The following SUSD5 variants were observed in gnomAD, a reference collection of about 807,000 sequenced individuals.
SUSD5 encodes sushi domain containing 5, also known as sushi domain-containing protein 5.
A neutral mutation model predicts 29.5 loss-of-function variants in SUSD5; 33 were observed. The ratio of observed to expected loss-of-function variants is 1.12; its 90% CI spans 0.85 to 1.49. The LOEUF is 1.49. SUSD5 is among the 40% of genes most tolerant of loss of function. The probability of loss-of-function intolerance (pLI) is 0.00; values close to 1 mark genes in which losing one functional copy is unlikely to be tolerated. For missense variants in SUSD5, 776 were observed against 800.6 expected (o/e 0.97, Z 0.37); for synonymous variants, 308 against 325.3 (o/e 0.95, Z 0.57).
At chr3:33,187,209 T>C (rs2031795997) in intron 3 of SUSD5, among the ~76,000 whole-genome samples, 2 of 152,132 alleles carry the variant, frequency 1.3e-5, no homozygotes, top group South Asian at 4.1e-4. Flanking sequence ...TAAATCTATC[T>C]AAGGAACACA....
At chr3:33,165,777 T>TAA (rs2031289847) in intron 4 of SUSD5, among the ~76,000 whole-genome samples, 1 of 152,236 alleles carries the variant, frequency 6.6e-6, no homozygotes, top group Admixed American at 6.5e-5. Context: ...TGTACTTTGT[T>TAA]AAGATGTCAT....
intron 4 of SUSD5, among the ~76,000 whole-genome samples, chr3:33,161,379 C>T (rs1374135228): frequency 2.0e-5 from 3 of 151,800 alleles, no homozygotes; most frequent in African/African-American, 7.3e-5. Flanking sequence ...GAGTAAAAGA[C>T]TATTAGAAGG....
intron 4 of SUSD5, among the ~76,000 whole-genome samples, chr3:33,169,468 G>A (rs973963420): frequency 6.6e-6 from 1 of 152,100 alleles, no homozygotes; most frequent in African/African-American, 2.4e-5. Context: ...TGATCCACCC[G>A]CCTCGGCCTC....
chr3:33,174,856 G>A (rs762933057), intron 4 of SUSD5, 30 bp downstream of exon 4: 3 of 1,609,878 alleles, frequency 1.9e-6, no homozygotes, highest in African/African-American at 2.7e-5. Flanking sequence ...GCGTGGGCAC[G>A]CGAAGGTGGC....
chr3:33,179,278 A>C (rs2031621193), intron 3 of SUSD5, among the ~76,000 whole-genome samples: 1 of 152,126 alleles, frequency 6.6e-6, no homozygotes, highest in Non-Finnish European at 1.5e-5. Context: ...TTTTAAAAGC[A>C]TAACCAATTG....
chr3:33,206,478 C>A (rs2032222556), intron 3 of SUSD5, among the ~76,000 whole-genome samples: 1 of 151,254 alleles, frequency 6.6e-6, no homozygotes, highest in African/African-American at 2.4e-5. Flanking sequence ...AAAAATAAAC[C>A]ACAGATACTG....
chr3:33,206,618 C>G (rs746871735), intron 3 of SUSD5, among the ~76,000 whole-genome samples: 13 of 152,132 alleles, frequency 8.5e-5, no homozygotes, highest in Non-Finnish European at 1.8e-4. Flanking sequence ...GAGAGGGACC[C>G]CAGAGCAGAA....
intron 1 of SUSD5, among the ~76,000 whole-genome samples, chr3:33,216,743 C>T (rs2032434199): frequency 6.6e-6 from 1 of 152,146 alleles, no homozygotes; most frequent in Non-Finnish European, 1.5e-5. Flanking sequence ...TTAAGCTGAG[C>T]ATTTCTTCTT....
At chr3:33,170,842 G>C (rs755409844) in intron 4 of SUSD5, among the ~76,000 whole-genome samples, 15 of 152,246 alleles carry the variant, frequency 9.9e-5, no homozygotes, top group Non-Finnish European at 1.5e-4. Context: ...AACACACAAG[G>C]AAGTGAGCAG....
intron 3 of SUSD5, among the ~76,000 whole-genome samples, chr3:33,186,005 A>G (rs528708373): frequency 6.6e-6 from 1 of 152,310 alleles, no homozygotes; most frequent in African/African-American, 2.4e-5. Context: ...GTTTTCCTTT[A>G]GTCTTTAGGC....
intron 4 of SUSD5, among the ~76,000 whole-genome samples, chr3:33,162,858 G>A (rs1034135489): frequency 3.3e-5 from 5 of 150,210 alleles, no homozygotes; most frequent in South Asian, 2.1e-4. Flanking sequence ...CAGAGGCTGC[G>A]GTGACCTGAG....
intron 3 of SUSD5, among the ~76,000 whole-genome samples, chr3:33,186,348 A>G (rs2031779046): frequency 1.3e-5 from 2 of 152,006 alleles, no homozygotes; most frequent in Admixed American, 6.6e-5. Context: ...GAAAATAGAA[A>G]ATAATAAAAA....
At chr3:33,175,445 T>C (rs1291343537) in intron 3 of SUSD5, among the ~76,000 whole-genome samples, 1 of 152,006 alleles carries the variant, frequency 6.6e-6, no homozygotes, top group African/African-American at 2.4e-5. Context: ...AGGCTAAATG[T>C]TACAGACTAC....
intron 3 of SUSD5, among the ~76,000 whole-genome samples, chr3:33,202,243 C>A (rs1022377601): frequency 5.3e-5 from 8 of 152,128 alleles, no homozygotes; most frequent in African/African-American, 1.9e-4. Context: ...TGTTCTCCAT[C>A]AGCTGTACCA....
Position 33,204,878 on chromosome 3 carries a change from G to C in SUSD5, c.409+2930C>G, listed in dbSNP as rs2032187661. On this transcript the variant is annotated intron_variant, in intron 3 of 4. Transcript: ENST00000309558. The surrounding 1 kb of genome is among the most constrained non-coding windows in gnomAD (Gnocchi z 4.5). ...TCAAAGTTACATAAACATTATAAAA[G>C]CAAGGAACCCACCTTTTATGCAGGT... Among the ~76,000 whole-genome samples the C allele has an allele frequency of 1.3e-5, 2 of 152,030 alleles. No individual in the cohort carries two copies. The highest frequency in any genetic ancestry group is 1.3e-4 in the Admixed American group (2 of 15,250).
rs200004467 is a variant in SUSD5 at position 33,171,465 on chromosome 3, T to A, written c.598+3421A>T. 2.6e-5 allele frequency among the ~76,000 whole-genome samples: 3 copies of A among 114,496 alleles called. No homozygotes were observed. The South Asian group carries it at 1.0e-3, about 40-fold the overall frequency. The allele number at this position is 114,496 out of a possible 152,430, so 75.1% of individuals were successfully genotyped here. On this transcript the variant is annotated intron_variant, in intron 4 of 4. Transcript: ENST00000309558. ...AGCTGAAATCTCTTGTTGTAGGAAA[T>A]TTTTTTAAAAAGCATCTTTAAAAGA...
chr3:33,196,976 AT>A (rs1487525138), intron 3 of SUSD5, among the ~76,000 whole-genome samples: 7 of 152,206 alleles, frequency 4.6e-5, no homozygotes, highest in African/African-American at 1.7e-4. Context: ...CATCTGTAAA[AT>A]TTGGATAATA....
At chr3:33,173,862 T>C (rs1273954578) in intron 4 of SUSD5, among the ~76,000 whole-genome samples, 2 of 152,140 alleles carry the variant, frequency 1.3e-5, no homozygotes, top group Admixed American at 6.5e-5. Flanking sequence ...AGGTCAGCCA[T>C]GGGGCTGCCC....
intron 3 of SUSD5, among the ~76,000 whole-genome samples, chr3:33,195,414 G>A (rs2031976863): frequency 6.6e-6 from 1 of 152,160 alleles, no homozygotes; most frequent in South Asian, 2.1e-4. Flanking sequence ...AAACTGCTGG[G>A]GGATGGAGGT....
Sources: gnomAD v4.1 joint callset for allele counts (sites outside exome capture counted in the v4.1 genomes callset) on GRCh38, gnomAD v4.1.1 for gene constraint, Gnocchi (gnomAD v3.1) non-coding constraint, MANE v1.5 for transcripts, NCBI Gene and HGNC (gene_info 2026-07-23, HGNC 2026-07-21) for gene names.